The following STX12 variants were observed in gnomAD, a reference collection of about 807,000 sequenced individuals.
STX12 encodes the protein syntaxin-12.
A neutral mutation model predicts 42.2 loss-of-function variants in STX12; 17 were observed. The ratio of observed to expected loss-of-function variants is 0.40; its 90% CI spans 0.28 to 0.60. The LOEUF is 0.60. Among genes scored for constraint, STX12 ranks in the 20% least tolerant of loss-of-function variants. STX12 has a pLI of 0.39. For missense variants in STX12, 297 were observed against 330.9 expected (o/e 0.90, Z 0.79); for synonymous variants, 108 against 116.7 (o/e 0.93, Z 0.48).
intron 1 of STX12, among the ~76,000 whole-genome samples, chr1:27,778,960 G>T (rs1207120323): frequency 6.6e-6 from 1 of 152,102 alleles, no homozygotes; most frequent in African/African-American, 2.4e-5. Context: ...GGGTCTCGCT[G>T]TGTTGCCCAG....
chr1:27,777,255 A>G (rs1258731002), intron 1 of STX12, among the ~76,000 whole-genome samples: 1 of 152,184 alleles, frequency 6.6e-6, no homozygotes, highest in Non-Finnish European at 1.5e-5. Context: ...AGGAGCTGAC[A>G]TTTGAGTGAG....
At chr1:27,804,582 CG>C (rs2088848530) in intron 4 of STX12, among the ~76,000 whole-genome samples, 1 of 151,556 alleles carries the variant, frequency 6.6e-6, no homozygotes. Flanking sequence ...GAGGCTGAGG[CG>C]GGCAGATCAC....
In STX12 at chr1:27,810,250, A is replaced by G. The variant is rs1177196541; in HGVS notation, c.431A>G (p.Glu144Gly). 11 of 1,613,640 alleles carry G rather than the reference A, an allele frequency of 6.8e-6. No individual in the cohort carries two copies. The highest frequency in any genetic ancestry group is 9.3e-6 in the Non-Finnish European group (11 of 1,179,672). Residue 144 changes from glutamate to glycine, a missense_variant, in exon 5 of 9, where the codon GAA becomes GGA. Physicochemically the swap from Glu to Gly is moderately conservative, Grantham distance 98 (BLOSUM62 -2). Coordinates refer to ENST00000373943, the MANE Select transcript of STX12 (RefSeq NM_177424.3). ...RARAGSRLSA[E>G]ERQREEQLVS... Reference sequence around the variant, plus strand: ...ATAATACCATCTACTTTCTAGGCAGAAGAGAGGCAAAGAGAGGAGCAGCTG... The same window carrying G: ...ATAATACCATCTACTTTCTAGGCAGGAGAGAGGCAAAGAGAGGAGCAGCTG...
At chr1:27,780,550 G>A (rs768101712) in intron 1 of STX12, among the ~76,000 whole-genome samples, 4 of 152,140 alleles carry the variant, frequency 2.6e-5, no homozygotes, top group Non-Finnish European at 5.9e-5. Flanking sequence ...ACTCTCCGGG[G>A]TCAGCAGATC....
At chr1:27,781,367 T>C (rs1217715567) in intron 1 of STX12, among the ~76,000 whole-genome samples, 1 of 152,136 alleles carries the variant, frequency 6.6e-6, no homozygotes, top group African/African-American at 2.4e-5. Context: ...TATTAATACT[T>C]GTTGAATCCC....
rs185528505 is a variant in STX12, at chr1:27,780,056, G to T, written c.118+6631G>T. On this transcript the variant is annotated intron_variant, in intron 1 of 8. Transcript: ENST00000373943. ...TCCGCCCGCCTTGGCCTCCCAAAGT[G>T]CTGGGATTACAAGCATGAGTCACTG... 6.2e-4 allele frequency among the ~76,000 whole-genome samples: 94 copies of T among 152,030 alleles called. 1 individual carries two copies. The highest frequency in any genetic ancestry group is 8.7e-4 in the Non-Finnish European group (59 of 67,964).
At chr1:27,820,590 T>C (rs1159259467) in intron 8 of STX12, among the ~76,000 whole-genome samples, 1 of 152,226 alleles carries the variant, frequency 6.6e-6, no homozygotes, top group African/African-American at 2.4e-5. Flanking sequence ...TTGCCCATCC[T>C]ATGTCCTGAA....
intron 1 of STX12, among the ~76,000 whole-genome samples, chr1:27,775,486 G>A (rs2088623087): frequency 6.6e-6 from 1 of 152,122 alleles, no homozygotes; most frequent in Non-Finnish European, 1.5e-5. Context: ...TGTCCAGTCT[G>A]GTCTTGAACT....
At chr1:27,818,159 G>A (rs1168521396) in intron 7 of STX12, 2 of 422,878 alleles carry the variant, frequency 4.7e-6, no homozygotes, top group African/African-American at 2.0e-5. Context: ...CAAGCGGGCA[G>A]ATCATGAGGT....
chr1:27,790,907 C>A (rs2088736049), intron 2 of STX12, among the ~76,000 whole-genome samples: 1 of 151,946 alleles, frequency 6.6e-6, no homozygotes, highest in Non-Finnish European at 1.5e-5. Flanking sequence ...CACCATTGCA[C>A]TCCAGCCTAG....
intron 1 of STX12, among the ~76,000 whole-genome samples, chr1:27,780,866 C>T (rs562644970): frequency 5.3e-5 from 8 of 151,524 alleles, no homozygotes; most frequent in Admixed American, 2.6e-4. Flanking sequence ...ATGGGCAAAT[C>T]GCTGATCGCT....
At chr1:27,801,625 C>T in intron 3 of STX12, 53 bp from the exon 4 acceptor site, 1 of 1,439,336 alleles carries the variant, frequency 6.9e-7, no homozygotes, top group Non-Finnish European at 9.1e-7. Flanking sequence ...GAAATTAAAA[C>T]CAAATGATTC....
intron 1 of STX12, among the ~76,000 whole-genome samples, chr1:27,782,219 C>G (rs1220471917): frequency 6.6e-6 from 1 of 152,148 alleles, no homozygotes; most frequent in Non-Finnish European, 1.5e-5. Flanking sequence ...CCCACCTCCA[C>G]CTTCCGAGTA....
intron 6 of STX12, among the ~76,000 whole-genome samples, chr1:27,816,687 A>G (rs999906601): frequency 6.6e-6 from 1 of 150,956 alleles, no homozygotes; most frequent in Non-Finnish European, 1.5e-5. Context: ...TGGGAGGCCA[A>G]GGCAGTGGAT....
intron 7 of STX12, among the ~76,000 whole-genome samples, chr1:27,818,542 T>A (rs1212158535): frequency 6.6e-6 from 1 of 152,218 alleles, no homozygotes; most frequent in Non-Finnish European, 1.5e-5. Flanking sequence ...TCAGTCCCAT[T>A]GACTTCTTTG....
At chr1:27,786,648 A>G (rs2088701287) in intron 1 of STX12, among the ~76,000 whole-genome samples, 1 of 152,056 alleles carries the variant, frequency 6.6e-6, no homozygotes, top group African/African-American at 2.4e-5. Context: ...TAGATACTCT[A>G]CTCTGAATGA....
rs902457553 is a variant in STX12 at position 27,801,924 on chromosome 1, G to A, written c.426+109G>A. 3.6e-6 allele frequency: 5 copies of A among 1,373,058 alleles called. No homozygotes were observed. In the African/African-American group the frequency reaches 4.5e-5, roughly 12 times the overall value. 85.1% of individuals were successfully genotyped at this position (1,373,058 alleles called of 1,614,324 possible). On this transcript the variant is annotated intron_variant, in intron 4 of 8. Transcript: ENST00000373943. Reference sequence around the variant, plus strand: ...CCAATAAACATGTAAGTTAGCTGCTGTGAAAATGGCAGGTTGGTGTAACCT... The same window carrying A: ...CCAATAAACATGTAAGTTAGCTGCTATGAAAATGGCAGGTTGGTGTAACCT...
chr1:27,774,864 G>C (rs1481192426), intron 1 of STX12, among the ~76,000 whole-genome samples: 1 of 151,886 alleles, frequency 6.6e-6, no homozygotes, highest in African/African-American at 2.4e-5. Context: ...TGTAGGGATG[G>C]GGTCTCACTA....
At position 27,822,466 on chromosome 1, in the gene STX12, C is replaced by T; in HGVS notation, c.*137C>T. 1.6e-6 allele frequency: 1 copy of T among 608,332 alleles called. No individual in the cohort carries two copies. The highest frequency in any genetic ancestry group is 3.0e-6 in the Non-Finnish European group (1 of 335,048). 37.7% of individuals were successfully genotyped at this position (608,332 alleles called of 1,614,324 possible). On this transcript the variant is annotated 3_prime_UTR_variant, in exon 9 of 9. Transcript: ENST00000373943. Reference sequence around the variant, plus strand: ...CATTTAGTTAGAAACTAACTACTAACTAGTCTTTGGAATTCGTGACCTATG... The same window carrying T: ...CATTTAGTTAGAAACTAACTACTAATTAGTCTTTGGAATTCGTGACCTATG...
Sources: allele counts gnomAD v4.1 joint callset (sites outside exome capture counted in the v4.1 genomes callset), GRCh38; gene constraint gnomAD v4.1.1; transcripts MANE v1.5; gene names NCBI Gene and HGNC (gene_info 2026-07-23, HGNC 2026-07-21).